Variants in JPH3 observed in about 807,000 individuals in gnomAD.
The protein encoded by JPH3 is junctophilin 3.
Under a neutral mutation model 59.6 loss-of-function variants are expected in JPH3, and 11 were observed. The ratio of observed to expected loss-of-function variants is 0.18; its 90% CI spans 0.12 to 0.31. JPH3 has a LOEUF of 0.31. Ranked by LOEUF, JPH3 falls within the 10% of genes least tolerant of loss-of-function variation. The pLI, the probability that JPH3 is intolerant of heterozygous loss-of-function variation, is 1.00. For synonymous variants in JPH3, 673 were observed against 483.6 expected (o/e 1.39, Z -5.14); for missense variants, 1,202 against 1,105.7 (o/e 1.09, Z -1.24).
chr16:87,635,825 G>C (rs1203654349), intron 1 of JPH3, among the ~76,000 whole-genome samples: 1 of 152,188 alleles, frequency 6.6e-6, no homozygotes, highest in Non-Finnish European at 1.5e-5. Context: ...CGGTGGGTGA[G>C]GTGGCTGCAG....
At chr16:87,695,292 G>A (rs1274123888) in intron 4 of JPH3, 1 of 455,884 alleles carries the variant, frequency 2.2e-6, no homozygotes, top group South Asian at 1.5e-5. Flanking sequence ...CCAGAGGCCA[G>A]ACTTGGGGGC....
In JPH3 at chr16:87,635,562, G is replaced by A. The variant is rs111426611; in HGVS notation, c.383-8696G>A. Among the ~76,000 whole-genome samples the A allele has an allele frequency of 7.6e-3, 1,155 of 152,296 alleles. 15 individuals are homozygous for A. The highest frequency in any genetic ancestry group is 0.025 in the African/African-American group (1,052 of 41,568). ...TGAGTGACTGTCCCAGCGGATCTCC[G>A]AGCAGGGTCCCTTGAGCATTAGGAA... On this transcript the variant is annotated intron_variant, in intron 1 of 4. Transcript: ENST00000284262.
At chr16:87,606,040 G>T (rs1354010667) in intron 1 of JPH3, among the ~76,000 whole-genome samples, 2 of 152,228 alleles carry the variant, frequency 1.3e-5, no homozygotes, top group Non-Finnish European at 2.9e-5. Context: ...CCAGCTTCCT[G>T]TTGGGAAGGG....
At chr16:87,657,472 C>A (rs78726698) in intron 2 of JPH3, among the ~76,000 whole-genome samples, 1 of 152,126 alleles carries the variant, frequency 6.6e-6, no homozygotes, top group African/African-American at 2.4e-5. Flanking sequence ...GCAAGTGGAC[C>A]GGTGACCGAT....
intron 2 of JPH3, among the ~76,000 whole-genome samples, chr16:87,650,973 G>A (rs1331473679): frequency 1.3e-5 from 2 of 152,230 alleles, no homozygotes; most frequent in Non-Finnish European, 2.9e-5. Context: ...TTCCATCTAG[G>A]ACTTTCATGC....
At position 87,602,865 on chromosome 16, in the gene JPH3, T is replaced by TCCTCCCCTCCCCCTCCCC. The variant is rs2030297355; in HGVS notation, c.-281_-264dup. On this transcript the variant is annotated 5_prime_UTR_variant, in exon 1 of 5. Coordinates refer to ENST00000284262, the MANE Select transcript of JPH3 (RefSeq NM_020655.4). ...CCGCCGCTCCTGCCCCCTCCCTCCC[T>TCCTCCCCTCCCCCTCCCC]CCTCCCCTCCCCCTCCCCTCCGGTC... 1 of 36,080 alleles carries TCCTCCCCTCCCCCTCCCC rather than the reference T, an allele frequency of 2.8e-5. No individual in the cohort carries two copies. The highest frequency in any genetic ancestry group is 5.2e-5 in the Non-Finnish European group (1 of 19,282). The allele number at this position is 36,080 out of a possible 1,614,324, so 2.2% of individuals were successfully genotyped here.
intron 1 of JPH3, among the ~76,000 whole-genome samples, chr16:87,617,252 C>G (rs1256809259): frequency 6.6e-6 from 1 of 152,090 alleles, no homozygotes; most frequent in African/African-American, 2.4e-5. Context: ...AACCAAAAAA[C>G]CAAATAAAAT....
chr16:87,689,674 G>C lies in JPH3; in HGVS notation c.1314G>C (p.Gln438His), dbSNP rs2033509001. 1 of 1,612,164 alleles carries C rather than the reference G, an allele frequency of 6.2e-7. No individual in the cohort carries two copies. The change falls in exon 4 of 5, where the codon CAG becomes CAC. Residue 438 changes from glutamine to histidine, a missense_variant. Physicochemically the swap from Gln to His is conservative, Grantham distance 24 (BLOSUM62 0). Transcript: ENST00000284262. ...NGLEYQRPKRQTSCDDIEVLS... is the reference protein window; with the variant it reads ...NGLEYQRPKRHTSCDDIEVLS... ...TGGAGTACCAGAGGCCGAAGCGTCA[G>C]ACCTCCTGTGACGACATCGAGGTGC...
At chr16:87,653,831 C>A (rs571430766) in intron 2 of JPH3, 1 of 152,192 alleles carries the variant, frequency 6.6e-6, no homozygotes, top group African/African-American at 2.4e-5. Context: ...ACACAGAATG[C>A]CACGTGGGAC....
intron 1 of JPH3, among the ~76,000 whole-genome samples, chr16:87,614,152 G>A (rs113127732): frequency 7.2e-5 from 11 of 152,222 alleles, no homozygotes; most frequent in Admixed American, 5.9e-4. Context: ...ACAGAGCTGC[G>A]TGACCCCTCC....
intron 4 of JPH3, among the ~76,000 whole-genome samples, chr16:87,691,505 G>C (rs2033572615): frequency 6.6e-6 from 1 of 152,168 alleles, no homozygotes. Flanking sequence ...GGGCCGGGCA[G>C]GGGGGACCAT....
intron 1 of JPH3, chr16:87,604,008 C>T (rs2030379487): frequency 1.8e-5 from 16 of 887,540 alleles, no homozygotes; most frequent in Non-Finnish European, 2.2e-5. Flanking sequence ...TCTGCCCAAG[C>T]CGAGAGAAAG....
intron 2 of JPH3, among the ~76,000 whole-genome samples, chr16:87,682,767 G>T (rs892168426): frequency 6.6e-6 from 1 of 152,190 alleles, no homozygotes; most frequent in Non-Finnish European, 1.5e-5. Context: ...GGGATTTGTC[G>T]TGGGGGAATT....
chr16:87,630,430 G>A (rs1033189775), intron 1 of JPH3, among the ~76,000 whole-genome samples: 6 of 152,172 alleles, frequency 3.9e-5, no homozygotes, highest in African/African-American at 1.4e-4. Flanking sequence ...GCCCCTTCCT[G>A]GCATTCCCCA....
intron 3 of JPH3, among the ~76,000 whole-genome samples, chr16:87,685,990 C>T (rs536996696): frequency 8.5e-5 from 13 of 152,248 alleles, no homozygotes; most frequent in African/African-American, 3.1e-4. Context: ...ATCCACGCGG[C>T]GTCCTTAGAA....
chr16:87,694,714 G>A (rs2033737369), intron 4 of JPH3: 1 of 160,346 alleles, frequency 6.2e-6, no homozygotes, highest in African/African-American at 2.4e-5. Flanking sequence ...GTACAAGTCA[G>A]GGATTTTAGT....
At chr16:87,682,007 A>G (rs1017433461) in intron 2 of JPH3, among the ~76,000 whole-genome samples, 1 of 152,098 alleles carries the variant, frequency 6.6e-6, no homozygotes, top group African/African-American at 2.4e-5. Flanking sequence ...TCATGCAGAA[A>G]ACTTTGAGTA....
At chr16:87,620,585 G>A (rs911845463) in intron 1 of JPH3, among the ~76,000 whole-genome samples, 7 of 151,828 alleles carry the variant, frequency 4.6e-5, no homozygotes, top group Non-Finnish European at 1.0e-4. Flanking sequence ...TGCCATGGGG[G>A]GGACGTGCGT....
At chr16:87,617,224 A>G (rs1277322800) in intron 1 of JPH3, among the ~76,000 whole-genome samples, 1 of 152,206 alleles carries the variant, frequency 6.6e-6, no homozygotes, top group Admixed American at 6.5e-5. Flanking sequence ...CTCTGTCTCA[A>G]AAAACAAACA....
Sources: gnomAD v4.1 joint callset for allele counts (sites outside exome capture counted in the v4.1 genomes callset) on GRCh38, gnomAD v4.1.1 for gene constraint, MANE v1.5 for transcripts, NCBI Gene and HGNC (gene_info 2026-07-23, HGNC 2026-07-21) for gene names.